The following CBFB variants were observed in gnomAD, a reference collection of about 807,000 sequenced individuals.
CBFB encodes the protein core-binding factor subunit beta.
CBFB carries 9 observed loss-of-function variants against 30.4 expected under a neutral mutation model. That is an observed-to-expected ratio of 0.30 (90% confidence interval 0.18 to 0.52). CBFB has a LOEUF of 0.52. Among genes scored for constraint, CBFB ranks in the 20% least tolerant of loss-of-function variants. The pLI is 0.97. For synonymous variants in CBFB, 94 were observed against 84.0 expected (o/e 1.12, Z -0.65); for missense variants, 170 against 244.0 (o/e 0.70, Z 2.02).
intron 3 of CBFB, among the ~76,000 whole-genome samples, chr16:67,044,923 C>A (rs1173252682): frequency 6.6e-6 from 1 of 152,104 alleles, no homozygotes; most frequent in East Asian, 1.9e-4. Context: ...TTTACAAATA[C>A]CTTGTCACAT....
intron 4 of CBFB, among the ~76,000 whole-genome samples, chr16:67,068,436 A>G (rs1000357171): frequency 3.9e-5 from 6 of 152,052 alleles, no homozygotes; most frequent in African/African-American, 7.2e-5. Context: ...AACTATGATC[A>G]TGCCAGTGTA....
intron 4 of CBFB, among the ~76,000 whole-genome samples, chr16:67,073,324 T>C (rs938018039): frequency 6.6e-6 from 1 of 152,142 alleles, no homozygotes; most frequent in Admixed American, 6.5e-5. Context: ...GTCAAAGCTG[T>C]CTCTATTTAT....
intron 3 of CBFB, among the ~76,000 whole-genome samples, chr16:67,044,956 C>T (rs1053624077): frequency 2.0e-5 from 3 of 151,954 alleles, no homozygotes; most frequent in South Asian, 2.1e-4. Flanking sequence ...TATTTCAGTT[C>T]GACTAAAATA....
At chr16:67,066,642 T>G (rs1157419119) in intron 3 of CBFB, 40 bp from the exon 4 acceptor site, 2 of 1,072,586 alleles carry the variant, frequency 1.9e-6, no homozygotes, top group Admixed American at 3.5e-5. Context: ...TTCATGTGTC[T>G]GATGGTTTTC....
chr16:67,030,818 T>G (rs2058628220), intron 2 of CBFB, among the ~76,000 whole-genome samples: 1 of 152,206 alleles, frequency 6.6e-6, no homozygotes, highest in Admixed American at 6.5e-5. Context: ...CAAGCTGGCC[T>G]CCTGACCTCA....
chr16:67,046,268 A>G (rs1567607793), intron 3 of CBFB, among the ~76,000 whole-genome samples: 1 of 151,104 alleles, frequency 6.6e-6, no homozygotes. Flanking sequence ...CACCATGCCC[A>G]GGTAATTTTT....
chr16:67,051,543 G>C (rs1376606690), intron 3 of CBFB, among the ~76,000 whole-genome samples: 3 of 150,978 alleles, frequency 2.0e-5, no homozygotes, highest in African/African-American at 7.3e-5. Flanking sequence ...ATTTTTTCTG[G>C]GTTTGTTTCA....
At chr16:67,077,007 A>G (rs1053268537) in intron 4 of CBFB, among the ~76,000 whole-genome samples, 10 of 152,144 alleles carry the variant, frequency 6.6e-5, no homozygotes, top group African/African-American at 2.4e-4. Context: ...TATAACTTCT[A>G]AAGGATAGAA....
rs1392554075 is a variant in CBFB, at chr16:67,078,258, C to A, written c.400-3955C>A. On this transcript the variant is annotated intron_variant, in intron 4 of 5. Transcript: ENST00000412916. Reference sequence around the variant, plus strand: ...ATGTCTCACATGTCATTAGAAAATACCAAGACAAGCTGGGCACGGTGGCTC... The same window carrying A: ...ATGTCTCACATGTCATTAGAAAATAACAAGACAAGCTGGGCACGGTGGCTC... Among the ~76,000 whole-genome samples the A allele has an allele frequency of 2.0e-5, 3 of 152,178 alleles. 1 individual carries two copies. The highest frequency in any genetic ancestry group is 7.2e-5 in the African/African-American group (3 of 41,454).
chr16:67,051,947 A>C (rs1018344124), intron 3 of CBFB, among the ~76,000 whole-genome samples: 1 of 151,082 alleles, frequency 6.6e-6, no homozygotes, highest in Non-Finnish European at 1.5e-5. Context: ...ACACACACGC[A>C]TACATATATA....
chr16:67,093,965 T>C (rs1961970351), intron 5 of CBFB, among the ~76,000 whole-genome samples: 1 of 152,306 alleles, frequency 6.6e-6, no homozygotes, highest in Middle Eastern at 3.4e-3. Context: ...GTTCTACTCC[T>C]ATGGAAGCTA....
At chr16:67,040,347 G>A (rs147141030) in intron 3 of CBFB, among the ~76,000 whole-genome samples, 8 of 152,298 alleles carry the variant, frequency 5.3e-5, no homozygotes, top group Admixed American at 1.3e-4. Flanking sequence ...TTCTCGTCCT[G>A]TTCATACGCA....
chr16:67,098,127 T>C (rs754999566), intron 5 of CBFB, among the ~76,000 whole-genome samples: 6 of 151,570 alleles, frequency 4.0e-5, no homozygotes, highest in Non-Finnish European at 5.9e-5. Flanking sequence ...TGTTTGTTTG[T>C]TTGTTTGTTT....
At chr16:67,029,612 G>A (rs762552251) in intron 1 of CBFB, 115 bp from the exon 2 acceptor site, 2 of 1,314,344 alleles carry the variant, frequency 1.5e-6, no homozygotes, top group South Asian at 1.3e-5. Flanking sequence ...CAATCTCGCC[G>A]GGGCGGCCAT....
At chr16:67,052,479 A>C (rs1960583212) in intron 3 of CBFB, among the ~76,000 whole-genome samples, 1 of 151,724 alleles carries the variant, frequency 6.6e-6, no homozygotes, top group African/African-American at 2.4e-5. Context: ...GAGAGGCTGA[A>C]GTGGGAGGTT....
intron 4 of CBFB, chr16:67,067,054 T>C (rs1376316104): frequency 2.4e-5 from 6 of 246,190 alleles, no homozygotes; most frequent in African/African-American, 1.4e-4. Context: ...AGTAGCTCTT[T>C]AAAATATTTA....
At chr16:67,078,816 A>AT (rs1961477066) in intron 4 of CBFB, among the ~76,000 whole-genome samples, 1 of 151,972 alleles carries the variant, frequency 6.6e-6, no homozygotes, top group African/African-American at 2.4e-5. Flanking sequence ...TGCCTGGCTA[A>AT]TTTTTTGTAT....
intron 4 of CBFB, among the ~76,000 whole-genome samples, chr16:67,077,990 G>T (rs1304054460): frequency 1.3e-5 from 2 of 152,220 alleles, no homozygotes; most frequent in Non-Finnish European, 2.9e-5. Context: ...ATAACAAGTG[G>T]CTGGTGGGGA....
chr16:67,068,969 C>T (rs918277939), intron 4 of CBFB, among the ~76,000 whole-genome samples: 1 of 152,148 alleles, frequency 6.6e-6, no homozygotes, highest in African/African-American at 2.4e-5. Context: ...AATCCCAGCA[C>T]TTTGAGAGGC....
Sources: allele counts gnomAD v4.1 joint callset (sites outside exome capture counted in the v4.1 genomes callset), GRCh38; gene constraint gnomAD v4.1.1; transcripts MANE v1.5; gene names NCBI Gene and HGNC (gene_info 2026-07-23, HGNC 2026-07-21).